The following FAM50B variants were observed in gnomAD, a reference collection of about 807,000 sequenced individuals.
FAM50B encodes family with sequence similarity 50 member B.
FAM50B carries 9 observed loss-of-function variants against 25.4 expected under a neutral mutation model. The observed-to-expected ratio is 0.35, with a 90% CI of 0.21 to 0.62. The LOEUF is 0.62. FAM50B is among the 20% of genes least tolerant of loss of function. The pLI, the probability that FAM50B is intolerant of heterozygous loss-of-function variation, is 0.73. For missense variants in FAM50B, 372 were observed against 477.9 expected (o/e 0.78, Z 2.07); for synonymous variants, 212 against 204.3 (o/e 1.04, Z -0.32).
upstream of FAM50B, among the ~76,000 whole-genome samples, chr6:3,849,060 C>T (rs1382794412): frequency 3.3e-5 from 5 of 152,220 alleles, no homozygotes; most frequent in Non-Finnish European, 7.3e-5. Flanking sequence ...ATTGCTTCTG[C>T]GTGTTTACAG....
At chr6:3,847,834 G>A (rs1326324673), upstream of FAM50B, among the ~76,000 whole-genome samples, 2 of 152,226 alleles carry the variant, frequency 1.3e-5, no homozygotes, top group Non-Finnish European at 2.9e-5. Context: ...TGAACACTTA[G>A]AGGCCATTGT....
At chr6:3,840,701 G>A in the FAM50B span, among the ~76,000 whole-genome samples, 970 of 152,244 alleles carry the variant, frequency 6.4e-3, 14 homozygotes, top group African/African-American at 0.022. Flanking sequence ...TTTGAAGCTC[G>A]GGTCAACTGG....
chr6:3,843,058 G>A, the FAM50B span, among the ~76,000 whole-genome samples: 8 of 152,250 alleles, frequency 5.3e-5, no homozygotes, highest in Admixed American at 1.3e-4. Flanking sequence ...TAGGATTGGC[G>A]TGTACTTTAA....
At chr6:3,842,621 A>T in the FAM50B span, among the ~76,000 whole-genome samples, 2 of 152,212 alleles carry the variant, frequency 1.3e-5, no homozygotes, top group East Asian at 3.9e-4. Context: ...CCACTTCAAA[A>T]CAAAAGATGT....
chr6:3,840,015 C>T, the FAM50B span, among the ~76,000 whole-genome samples: 2 of 151,978 alleles, frequency 1.3e-5, no homozygotes, highest in Admixed American at 6.5e-5. Context: ...TTTTTTGAGA[C>T]GGAGTCTCAC....
chr6:3,834,788 AG>A, the FAM50B span, among the ~76,000 whole-genome samples: 4 of 152,194 alleles, frequency 2.6e-5, no homozygotes, highest in African/African-American at 9.7e-5. Flanking sequence ...AAAAAAGATC[AG>A]GTAGGCCTTT....
At chr6:3,841,487 A>C in the FAM50B span, among the ~76,000 whole-genome samples, 7 of 152,234 alleles carry the variant, frequency 4.6e-5, no homozygotes, top group Admixed American at 4.6e-4. Flanking sequence ...CTGAAAGTGA[A>C]GGGAACAAAT....
chr6:3,848,348 A>G (rs1762148780), upstream of FAM50B, among the ~76,000 whole-genome samples: 1 of 152,226 alleles, frequency 6.6e-6, no homozygotes, highest in Non-Finnish European at 1.5e-5. Context: ...GGGGAATGGG[A>G]GAAAAAGGAA....
At chr6:3,843,100 T>C in the FAM50B span, among the ~76,000 whole-genome samples, 666 of 152,352 alleles carry the variant, frequency 4.4e-3, 7 homozygotes, top group African/African-American at 0.015. Context: ...GGCTTAGAAA[T>C]TGACAGCATC....
chr6:3,849,902 C>G lies in FAM50B; in HGVS notation c.91C>G (p.Leu31Val), dbSNP rs1342863521. The G allele has an allele frequency of 6.2e-7, 1 of 1,613,698 alleles. No individual in the cohort carries two copies. Among genetic ancestry groups the G allele is most frequent in the Admixed American group, 1.7e-5 (1 of 60,014 alleles). ...RERQREQMEV[L>V]KQRIAEETIL... ...AAGGCAGCGGGAGCAGATGGAGGTGCTGAAGCAGCGCATCGCCGAGGAGAC... is the reference window on the plus strand; with the variant it reads ...AAGGCAGCGGGAGCAGATGGAGGTGGTGAAGCAGCGCATCGCCGAGGAGAC... Residue 31 changes from leucine (L) to valine (V), a missense_variant, in exon 2 of 2, where the codon CTG becomes GTG. Coordinates refer to ENST00000648326, the MANE Select transcript of FAM50B (RefSeq NM_012135.3).
At chr6:3,849,079 G>A (rs1225038016), upstream of FAM50B, among the ~76,000 whole-genome samples, 3 of 152,190 alleles carry the variant, frequency 2.0e-5, no homozygotes, top group Admixed American at 2.0e-4. Context: ...AGTTGGGCAC[G>A]AGAAGGCTCA....
At chr6:3,845,255 C>T (rs1018184301), upstream of FAM50B, among the ~76,000 whole-genome samples, 5 of 152,072 alleles carry the variant, frequency 3.3e-5, no homozygotes, top group Admixed American at 1.3e-4. Flanking sequence ...TCTTGTTAAA[C>T]TTTTCTGAGA....
At chr6:3,834,476 C>T in the FAM50B span, among the ~76,000 whole-genome samples, 1 of 150,980 alleles carries the variant, frequency 6.6e-6, no homozygotes, top group Non-Finnish European at 1.5e-5. Flanking sequence ...TTGATAGCCT[C>T]AATATACAAA....
At position 3,849,857 on chromosome 6, in the gene FAM50B, C is replaced by T; in HGVS notation, c.46C>T (p.His16Tyr). Residue 16 changes from histidine (H) to tyrosine (Y), a missense_variant, in exon 2 of 2, where the codon CAC (histidine) becomes TAC (tyrosine). His to Tyr is a moderately conservative substitution (Grantham distance 83, BLOSUM62 2). This residue lies in a region of FAM50B where 64 missense variants were observed against 118.3 expected (regional missense o/e 0.54). Coordinates refer to ENST00000648326, the MANE Select transcript of FAM50B (RefSeq NM_012135.3). Reference sequence around the variant, plus strand: ...CATGCGCGAGGCAGGCCGTGCCATGCACCTCCTCAAGAAGCGCGAAAGGCA... The same window carrying T: ...CATGCGCGAGGCAGGCCGTGCCATGTACCTCCTCAAGAAGCGCGAAAGGCA... ...GTMREAGRAMHLLKKRERQRE... is the reference protein window; with the variant it reads ...GTMREAGRAMYLLKKRERQRE... The T allele has an allele frequency of 6.2e-7, 1 of 1,613,252 alleles. No homozygotes were observed. Among genetic ancestry groups the T allele is most frequent in the Non-Finnish European group, 8.5e-7 (1 of 1,179,828 alleles).
the FAM50B span, among the ~76,000 whole-genome samples, chr6:3,839,184 G>C: frequency 2.6e-5 from 4 of 151,604 alleles, no homozygotes; most frequent in African/African-American, 9.7e-5. Context: ...CAAGCAGAAG[G>C]CAAAAGGAAG....
At chr6:3,849,760 A>G (rs1203436273) in intron 1 of FAM50B, 29 bp from the exon 2 acceptor site, 3 of 1,537,212 alleles carry the variant, frequency 2.0e-6, no homozygotes, top group Non-Finnish European at 2.6e-6. Context: ...GCCCCCCTCT[A>G]CCTGCCGCGT....
At chr6:3,832,167 A>C in the FAM50B span, among the ~76,000 whole-genome samples, 1 of 152,212 alleles carries the variant, frequency 6.6e-6, no homozygotes, top group African/African-American at 2.4e-5. Context: ...ACCTTTCAGT[A>C]AAATAATAAC....
At chr6:3,849,689 C>T (rs1386855626) in intron 1 of FAM50B, 100 bp from the exon 2 acceptor site, 2 of 1,430,704 alleles carry the variant, frequency 1.4e-6, no homozygotes, top group Non-Finnish European at 9.1e-7. Flanking sequence ...CTGAACGCTT[C>T]CATCACTGCC....
At chr6:3,847,740 G>A (rs1001746979), upstream of FAM50B, among the ~76,000 whole-genome samples, 1 of 152,220 alleles carries the variant, frequency 6.6e-6, no homozygotes, top group Non-Finnish European at 1.5e-5. Context: ...GGCCTATCCT[G>A]GCTTTTGACA....
Sources: allele counts gnomAD v4.1 joint callset (sites outside exome capture counted in the v4.1 genomes callset), GRCh38; gene constraint gnomAD v4.1.1; regional missense constraint gnomAD v4.1.1; transcripts MANE v1.5; gene names NCBI Gene and HGNC (gene_info 2026-07-23, HGNC 2026-07-21).